BCAS3: variants seen among roughly 807,000 people sequenced by gnomAD.
The protein encoded by BCAS3 is BCAS3 microtubule associated cell migration factor.
BCAS3 carries 53 observed loss-of-function variants against 116.1 expected under a neutral mutation model. The observed-to-expected ratio is 0.46, with a 90% CI of 0.37 to 0.57. BCAS3 has a LOEUF of 0.57. Ranked by LOEUF, BCAS3 falls within the 20% of genes least tolerant of loss-of-function variation. BCAS3 has a pLI of 0.00. For missense variants in BCAS3, 917 were observed against 1,165.4 expected (o/e 0.79, Z 3.10); for synonymous variants, 391 against 408.2 (o/e 0.96, Z 0.51).
chr17:60,967,903 CTT>C lies in BCAS3; in HGVS notation c.1221+20553_1221+20554del, dbSNP rs1413750520. Among the ~76,000 whole-genome samples the C allele has an allele frequency of 1.3e-5, 2 of 152,104 alleles. No individual in the cohort carries two copies. Among genetic ancestry groups the C allele is most frequent in the Admixed American group, 1.3e-4 (2 of 15,266 alleles). On this transcript the variant is annotated intron_variant, in intron 14 of 23. Transcript: ENST00000407086. The surrounding 1 kb of genome is among the most constrained non-coding windows in gnomAD (Gnocchi z 4.7). ...AGATTTCTATATTTTTTCCCAATCT[CTT>C]TGTTAAATTTCTCTGATAAATTTCT...
chr17:61,040,987 TAGGC>T (rs2067460578), intron 19 of BCAS3, 95 bp downstream of exon 19: 1 of 1,015,332 alleles, frequency 9.8e-7, no homozygotes, highest in East Asian at 2.4e-5. Flanking sequence ...CACTGGTCCA[TAGGC>T]CATGGGCCTT....
At chr17:61,246,503 A>C (rs954122978) in intron 22 of BCAS3, among the ~76,000 whole-genome samples, 1 of 133,352 alleles carries the variant, frequency 7.5e-6, no homozygotes, top group South Asian at 2.5e-4. Context: ...AAAAAGATTT[A>C]TGTTGTTTCC....
At position 61,348,534 on chromosome 17, in the gene BCAS3, G is replaced by A. The variant is rs1373712014; in HGVS notation, c.2426-19793G>A. On this transcript the variant is annotated intron_variant, in intron 22 of 23. Coordinates refer to ENST00000407086, the MANE Select transcript of BCAS3 (RefSeq NM_017679.5). This position sits in a 1 kb window ranked among gnomAD's most constrained non-coding sequence, Gnocchi z 4.5. ...GAGGACTGAGGGCACCAAAATTTGAGTTGCAGAGAGAATAAAGCGAGGCCT... is the reference window on the plus strand; with the variant it reads ...GAGGACTGAGGGCACCAAAATTTGAATTGCAGAGAGAATAAAGCGAGGCCT... Among the ~76,000 whole-genome samples the A allele has an allele frequency of 6.6e-6, 1 of 152,156 alleles. No homozygotes were observed. The highest frequency in any genetic ancestry group is 1.5e-5 in the Non-Finnish European group (1 of 68,036).
intron 7 of BCAS3, among the ~76,000 whole-genome samples, chr17:60,814,660 T>A (rs1248288385): frequency 6.6e-6 from 1 of 152,242 alleles, no homozygotes; most frequent in African/African-American, 2.4e-5. Flanking sequence ...AAGATACTTT[T>A]GTTATTTTAG....
intron 22 of BCAS3, among the ~76,000 whole-genome samples, chr17:61,120,861 A>G (rs769702828): frequency 1.1e-4 from 17 of 152,262 alleles, no homozygotes; most frequent in Admixed American, 7.2e-4. Context: ...ATTGGTTGAT[A>G]TATTTCATAA....
chr17:61,227,679 T>A lies in BCAS3; in HGVS notation c.2426-140648T>A, dbSNP rs1238797821. Among the ~76,000 whole-genome samples, 3 of 152,192 alleles carry A rather than the reference T, an allele frequency of 2.0e-5. No homozygotes were observed. Among genetic ancestry groups the A allele is most frequent in the Non-Finnish European group, 2.9e-5 (2 of 68,036 alleles). On this transcript the variant is annotated intron_variant, in intron 22 of 23. Transcript: ENST00000407086. The surrounding 1 kb of genome is among the most constrained non-coding windows in gnomAD (Gnocchi z 6.1). ...TGTTAATTTACACCAGCCCATCAGGTTGGAGCACACTCGGGAAAGTTCTTG... is the reference window on the plus strand; with the variant it reads ...TGTTAATTTACACCAGCCCATCAGGATGGAGCACACTCGGGAAAGTTCTTG...
At chr17:61,135,078 C>T (rs2076548441) in intron 22 of BCAS3, among the ~76,000 whole-genome samples, 1 of 152,256 alleles carries the variant, frequency 6.6e-6, no homozygotes, top group South Asian at 2.1e-4. Context: ...ACAGTGAGGT[C>T]ACCTAAACTG....
chr17:61,079,991 G>T (rs146532424), intron 21 of BCAS3, among the ~76,000 whole-genome samples: 139 of 144,306 alleles, frequency 9.6e-4, no homozygotes, highest in African/African-American at 3.4e-3. Flanking sequence ...ATGTATTCTA[G>T]CCTCCTGTAT....
chr17:60,722,620 G>T (rs1327583514), intron 5 of BCAS3, among the ~76,000 whole-genome samples: 2 of 152,036 alleles, frequency 1.3e-5, no homozygotes, highest in Non-Finnish European at 2.9e-5. Context: ...AAGTAGGCAG[G>T]CATGGTGGTG....
chr17:60,917,518 C>G (rs557114698), intron 12 of BCAS3, among the ~76,000 whole-genome samples: 2 of 152,274 alleles, frequency 1.3e-5, no homozygotes, highest in African/African-American at 4.8e-5. Flanking sequence ...CCATAATATT[C>G]CACTGAATGT....
Position 61,139,496 on chromosome 17 carries a change from G to A in BCAS3, c.2425+54932G>A, listed in dbSNP as rs1453493168. 2.6e-5 allele frequency among the ~76,000 whole-genome samples: 4 copies of A among 152,190 alleles called. No individual in the cohort carries two copies. The highest frequency in any genetic ancestry group is 1.9e-4 in the East Asian group (1 of 5,200). On this transcript the variant is annotated intron_variant, in intron 22 of 23. Transcript: ENST00000407086. This position sits in a 1 kb window ranked among gnomAD's most constrained non-coding sequence, Gnocchi z 4.7. ...GGCACACATCATCTGGGCTCAGTGC[G>A]GGCTTTGTTTATAGCAGAAGCCATA...
intron 22 of BCAS3, among the ~76,000 whole-genome samples, chr17:61,096,281 G>A (rs751819310): frequency 7.9e-5 from 12 of 151,858 alleles, no homozygotes; most frequent in South Asian, 2.1e-4. Context: ...ACTATAGCAC[G>A]TTTTTATTTC....
At chr17:60,888,026 A>G (rs2056851502) in intron 9 of BCAS3, among the ~76,000 whole-genome samples, 3 of 152,118 alleles carry the variant, frequency 2.0e-5, no homozygotes, top group African/African-American at 4.8e-5. Flanking sequence ...CAACCCCTTC[A>G]CTTGTTTTCA....
chr17:61,042,891 CAAAAAAAAA>C (rs35629825), intron 19 of BCAS3, among the ~76,000 whole-genome samples: 5 of 58,292 alleles, frequency 8.6e-5, no homozygotes, highest in African/African-American at 2.8e-4. Context: ...CTCCATCTCA[CAAAAAAAAA>C]AAAAAAAAAA....
chr17:61,368,386 G>A lies in BCAS3; in HGVS notation c.2485G>A (p.Gly829Arg), dbSNP rs572881067. The A allele has an allele frequency of 4.7e-5, 76 of 1,612,676 alleles. No individual in the cohort carries two copies. The Admixed American group carries it at 9.8e-4, about 21-fold the overall frequency. ...GTGCGGGAGCTGGCCTGAGGGCTTCGGGCTGCGGCACATGTCCTCCATGGA... is the reference window on the plus strand; with the variant it reads ...GTGCGGGAGCTGGCCTGAGGGCTTCAGGCTGCGGCACATGTCCTCCATGGA... The part of the protein sequence containing the change: ...EVCGSWPEGF[G>R]LRHMSSMEHT... Residue 829 changes from glycine (G) to arginine (R), a missense_variant, in exon 23 of 24, where the codon GGG becomes AGG. Around this residue, in one of 3 missense-constraint regions of BCAS3, gnomAD observed 109 missense variants for 122.8 expected, o/e 0.89. Transcript: ENST00000407086. This position sits in a 1 kb window ranked among gnomAD's most constrained non-coding sequence, Gnocchi z 6.0.
chr17:61,038,455 A>G (rs1248701666), intron 18 of BCAS3, among the ~76,000 whole-genome samples: 1 of 151,368 alleles, frequency 6.6e-6, no homozygotes, highest in Non-Finnish European at 1.5e-5. Flanking sequence ...GAGTTTCACC[A>G]TGTTGGCCAG....
Position 61,265,708 on chromosome 17 carries a change from CAAGTA to C in BCAS3, c.2426-102618_2426-102614del, listed in dbSNP as rs999958036. On this transcript the variant is annotated intron_variant, in intron 22 of 23. Transcript: ENST00000407086. This position sits in a 1 kb window ranked among gnomAD's most constrained non-coding sequence, Gnocchi z 4.3. ...ACCATCATTCTTTTTTCCCCCCCAT[CAAGTA>C]GTATATCTGCCAGGGTTTGTGTGTG... 6.7e-6 allele frequency among the ~76,000 whole-genome samples: 1 copy of C among 150,352 alleles called. No individual in the cohort carries two copies. The highest frequency in any genetic ancestry group is 2.4e-5 in the African/African-American group (1 of 40,958).
At chr17:60,998,976 G>A (rs1464020451) in intron 15 of BCAS3, among the ~76,000 whole-genome samples, 1 of 152,084 alleles carries the variant, frequency 6.6e-6, no homozygotes, top group Non-Finnish European at 1.5e-5. Context: ...AATCCATCTT[G>A]AGTTAATTTT....
At chr17:60,943,697 A>G (rs2060337873) in intron 13 of BCAS3, among the ~76,000 whole-genome samples, 1 of 152,118 alleles carries the variant, frequency 6.6e-6, no homozygotes, top group African/African-American at 2.4e-5. Context: ...TACCAATTAC[A>G]TACCTTTCTA....
Sources: gnomAD v4.1 joint callset for allele counts (sites outside exome capture counted in the v4.1 genomes callset) on GRCh38, gnomAD v4.1.1 for gene constraint, gnomAD v4.1.1 regional missense constraint, Gnocchi (gnomAD v3.1) non-coding constraint, MANE v1.5 for transcripts, NCBI Gene and HGNC (gene_info 2026-07-23, HGNC 2026-07-21) for gene names.